Variants in ABTB3 observed in about 807,000 individuals in gnomAD.
ABTB3 encodes ankyrin repeat and BTB domain containing 3.
chr12:107,333,204 A>C, the ABTB3 span, among the ~76,000 whole-genome samples: 1 of 152,080 alleles, frequency 6.6e-6, no homozygotes, highest in African/African-American at 2.4e-5. Flanking sequence ...TCTTCCTCCT[A>C]TGTTCTGGAG....
At chr12:107,488,588 T>G in the ABTB3 span, among the ~76,000 whole-genome samples, 1 of 151,986 alleles carries the variant, frequency 6.6e-6, no homozygotes, top group Non-Finnish European at 1.5e-5. Flanking sequence ...AACTTTTGTC[T>G]GATAGGCACA....
chr12:107,521,760 G>A, the ABTB3 span, among the ~76,000 whole-genome samples: 1 of 142,014 alleles, frequency 7.0e-6, no homozygotes, highest in Admixed American at 7.5e-5. Context: ...GTTTACCACA[G>A]GACCTTTGCA....
chr12:107,500,596 C>A, the ABTB3 span, among the ~76,000 whole-genome samples: 1 of 152,206 alleles, frequency 6.6e-6, no homozygotes, highest in African/African-American at 2.4e-5. Flanking sequence ...CACTCTCAAC[C>A]CCTGCCTTCT....
the ABTB3 span, among the ~76,000 whole-genome samples, chr12:107,557,382 T>A: frequency 1.3e-5 from 2 of 152,202 alleles, no homozygotes; most frequent in African/African-American, 4.8e-5. Context: ...AGTATTATAA[T>A]CTTATGGGAC....
chr12:107,633,865 C>T, the ABTB3 span, among the ~76,000 whole-genome samples: 3 of 152,200 alleles, frequency 2.0e-5, no homozygotes, highest in African/African-American at 7.2e-5. Context: ...GTTTTTAAGT[C>T]AGAAGGTCTG....
chr12:107,575,794 G>A, the ABTB3 span, among the ~76,000 whole-genome samples: 99 of 152,210 alleles, frequency 6.5e-4, no homozygotes, highest in Non-Finnish European at 1.2e-3. Context: ...TTAATCACAC[G>A]TGCAAGGTCC....
the ABTB3 span, among the ~76,000 whole-genome samples, chr12:107,379,088 C>T: frequency 6.6e-6 from 1 of 152,206 alleles, no homozygotes. Flanking sequence ...TACTGAACCT[C>T]TCTGAGCCTC....
At chr12:107,351,783 A>C in the ABTB3 span, among the ~76,000 whole-genome samples, 1 of 152,256 alleles carries the variant, frequency 6.6e-6, no homozygotes, top group South Asian at 2.1e-4. Context: ...ACAGTCTCAG[A>C]TATTCTGTTA....
the ABTB3 span, chr12:107,617,819 C>A: frequency 2.7e-6 from 1 of 368,550 alleles, no homozygotes; most frequent in Admixed American, 4.3e-5. Flanking sequence ...CCCCTCTGAT[C>A]ATCAGCTTTT....
the ABTB3 span, among the ~76,000 whole-genome samples, chr12:107,376,075 G>A: frequency 1.3e-5 from 2 of 152,194 alleles, no homozygotes; most frequent in East Asian, 3.9e-4. Flanking sequence ...TACCAGGATG[G>A]TGTCCCCTAG....
the ABTB3 span, among the ~76,000 whole-genome samples, chr12:107,453,498 G>A: frequency 6.6e-6 from 1 of 152,084 alleles, no homozygotes. Flanking sequence ...CCAACTATGG[G>A]CCAGGAATCG....
At chr12:107,564,963 G>A in the ABTB3 span, among the ~76,000 whole-genome samples, 1 of 152,234 alleles carries the variant, frequency 6.6e-6, no homozygotes, top group Admixed American at 6.5e-5. Context: ...TCTGTATGCT[G>A]GAAGGATACA....
chr12:107,335,855 G>A, the ABTB3 span, among the ~76,000 whole-genome samples: 2 of 151,786 alleles, frequency 1.3e-5, no homozygotes, highest in African/African-American at 2.4e-5. Flanking sequence ...CAACAGGGAT[G>A]GAAGAGAGAA....
the ABTB3 span, among the ~76,000 whole-genome samples, chr12:107,634,152 T>A: frequency 3.3e-5 from 5 of 152,240 alleles, no homozygotes; most frequent in Non-Finnish European, 7.3e-5. Flanking sequence ...GTTTGGATTT[T>A]CTTTTGTATG....
At chr12:107,581,513 C>G in the ABTB3 span, among the ~76,000 whole-genome samples, 10 of 152,172 alleles carry the variant, frequency 6.6e-5, no homozygotes, top group Non-Finnish European at 7.4e-5. Flanking sequence ...CGGCGAGGCC[C>G]GTGGAGGACG....
chr12:107,469,565 G>A, the ABTB3 span, among the ~76,000 whole-genome samples: 1 of 152,152 alleles, frequency 6.6e-6, no homozygotes, highest in African/African-American at 2.4e-5. Flanking sequence ...TGGAGAGGGC[G>A]AGGCATCAGA....
chr12:107,382,402 A>G, the ABTB3 span, among the ~76,000 whole-genome samples: 8 of 152,140 alleles, frequency 5.3e-5, no homozygotes. Context: ...TCCTTTTTAA[A>G]AGATCCTCTT....
At chr12:107,334,375 G>A in the ABTB3 span, among the ~76,000 whole-genome samples, 1 of 152,294 alleles carries the variant, frequency 6.6e-6, no homozygotes, top group South Asian at 2.1e-4. Context: ...GATTCACCAA[G>A]CTCCTGTTGA....
At chr12:107,563,589 G>T in the ABTB3 span, among the ~76,000 whole-genome samples, 1 of 152,068 alleles carries the variant, frequency 6.6e-6, no homozygotes, top group African/African-American at 2.4e-5. Flanking sequence ...TATAACAAAG[G>T]TATGATATAT....
Sources: allele counts gnomAD v4.1 joint callset (sites outside exome capture counted in the v4.1 genomes callset), GRCh38; gene constraint gnomAD v4.1.1; transcripts MANE v1.5; gene names NCBI Gene and HGNC (gene_info 2026-07-23, HGNC 2026-07-21).